CSMD3: variants seen among roughly 807,000 people sequenced by gnomAD.
CSMD3 encodes the protein CUB and sushi domain-containing protein 3.
CSMD3 carries 177 observed loss-of-function variants against 435.2 expected under a neutral mutation model. The observed-to-expected ratio is 0.41, with a 90% CI of 0.36 to 0.46. The LOEUF (loss-of-function observed/expected upper bound fraction) is 0.46. Among genes scored for constraint, CSMD3 ranks in the 20% least tolerant of loss-of-function variants. CSMD3 has a pLI of 0.34. For missense variants in CSMD3, 4,265 were observed against 4,504.6 expected, an observed-to-expected ratio of 0.95 and a Z score of 1.52; for synonymous variants, 1,656 against 1,520.5, an observed-to-expected ratio of 1.09 and a Z score of -2.07.
In CSMD3 at chr8:112,409,034, T is replaced by G; in HGVS notation, c.5396-2A>C. ...AAAATACAAACTGGCCAAACACCAC[T>G]GATCAACAGGAACCCGGAGAAGCAA... On this transcript the variant is annotated splice_acceptor_variant, in intron 32 of 70. Coordinates refer to ENST00000297405, the MANE Select transcript of CSMD3 (RefSeq NM_198123.2). LOFTEE classifies it high-confidence loss of function. 1 of 1,613,174 alleles carries G rather than the reference T, an allele frequency of 6.2e-7. No individual in the cohort carries two copies. The highest frequency in any genetic ancestry group is 8.5e-7 in the Non-Finnish European group (1 of 1,179,574).
At chr8:112,433,213 C>A (rs1813906240) in intron 32 of CSMD3, among the ~76,000 whole-genome samples, 1 of 150,826 alleles carries the variant, frequency 6.6e-6, no homozygotes, top group Non-Finnish European at 1.5e-5. Context: ...GACAGAATAA[C>A]TTAGCATTGC....
At chr8:112,554,771 C>T (rs1028453430) in intron 25 of CSMD3, among the ~76,000 whole-genome samples, 3 of 151,828 alleles carry the variant, frequency 2.0e-5, no homozygotes, top group Admixed American at 6.6e-5. Context: ...CAGGTTAAAT[C>T]CTTCCAGCTA....
chr8:113,145,781 T>C (rs1027289635), intron 4 of CSMD3, among the ~76,000 whole-genome samples: 1 of 151,674 alleles, frequency 6.6e-6, no homozygotes, highest in Non-Finnish European at 1.5e-5. Flanking sequence ...TTAATAAAGA[T>C]GTCTTTATGG....
At chr8:113,190,626 G>T (rs1445424741) in intron 3 of CSMD3, among the ~76,000 whole-genome samples, 1 of 151,366 alleles carries the variant, frequency 6.6e-6, no homozygotes, top group Non-Finnish European at 1.5e-5. Context: ...ATATGTCTAT[G>T]ACGATGTTTT....
At chr8:112,446,032 C>T (rs1002124680) in intron 32 of CSMD3, among the ~76,000 whole-genome samples, 1 of 152,102 alleles carries the variant, frequency 6.6e-6, no homozygotes, top group Non-Finnish European at 1.5e-5. Context: ...GAATATTTTA[C>T]AAAACTTAGA....
intron 32 of CSMD3, among the ~76,000 whole-genome samples, chr8:112,427,758 A>G (rs1235410560): frequency 6.6e-6 from 1 of 152,144 alleles, no homozygotes; most frequent in Admixed American, 6.6e-5. Context: ...TCATACATAG[A>G]AGCATTCAGG....
chr8:113,201,047 A>G (rs2092711410), intron 3 of CSMD3, among the ~76,000 whole-genome samples: 1 of 151,918 alleles, frequency 6.6e-6, no homozygotes, highest in South Asian at 2.1e-4. Context: ...TCTCTCTCAG[A>G]ACCCTTTGTA....
At chr8:112,410,177 T>C (rs1470971705) in intron 32 of CSMD3, among the ~76,000 whole-genome samples, 1 of 151,864 alleles carries the variant, frequency 6.6e-6, no homozygotes, top group East Asian at 1.9e-4. Context: ...CAAAGCTATA[T>C]GTAGTTTTTA....
At position 112,938,989 on chromosome 8, in the gene CSMD3, C is replaced by G. The variant is rs191934097; in HGVS notation, c.1508+8801G>C. Among the ~76,000 whole-genome samples, 4 of 152,072 alleles carry G rather than the reference C, an allele frequency of 2.6e-5. No individual in the cohort carries two copies. In the South Asian group the frequency reaches 8.3e-4, roughly 32 times the overall value. On this transcript the variant is annotated intron_variant, in intron 9 of 70. Coordinates refer to ENST00000297405, the MANE Select transcript of CSMD3 (RefSeq NM_198123.2). ...TTTAAAAAATAATGGTGTGAAAGTG[C>G]TTTTGAGTTAAAATATGATATATGT...
intron 66 of CSMD3, 22 bp from the exon 67 acceptor site, chr8:112,237,370 C>T (rs779307099): frequency 1.3e-6 from 2 of 1,538,680 alleles, no homozygotes; most frequent in South Asian, 1.1e-5. Context: ...TTAAATATAC[C>T]ACACATTAAT....
chr8:113,160,405 C>T (rs2092016944), intron 4 of CSMD3, among the ~76,000 whole-genome samples: 1 of 151,878 alleles, frequency 6.6e-6, no homozygotes. Flanking sequence ...TTCAAAACGT[C>T]TAACGTATTC....
chr8:112,674,580 A>G (rs767461526), intron 16 of CSMD3, among the ~76,000 whole-genome samples: 2 of 152,086 alleles, frequency 1.3e-5, no homozygotes, highest in Non-Finnish European at 2.9e-5. Context: ...AAGCCTGAGT[A>G]ATTTCTTTGG....
At position 112,234,356 on chromosome 8, in the gene CSMD3, T is replaced by C. The variant is rs900431108; in HGVS notation, c.10740+9A>G. The C allele has an allele frequency of 3.9e-6, 6 of 1,536,042 alleles. No individual in the cohort carries two copies. Among genetic ancestry groups the C allele is most frequent in the Non-Finnish European group, 3.6e-6 (4 of 1,109,678 alleles). ...AATCAGCAGCAGATGTTAAAATAAC[T>C]ATACTTACAAAGCCATCCATTGCCC... On this transcript the variant is annotated intron_variant, in intron 68 of 70. Coordinates refer to ENST00000297405, the MANE Select transcript of CSMD3 (RefSeq NM_198123.2).
At chr8:113,014,890 C>A (rs968625872) in intron 6 of CSMD3, among the ~76,000 whole-genome samples, 2 of 152,064 alleles carry the variant, frequency 1.3e-5, no homozygotes, top group African/African-American at 4.8e-5. Context: ...AGTCTTAATA[C>A]CTTTTAATTT....
At chr8:112,730,077 T>C (rs2077043923) in intron 13 of CSMD3, among the ~76,000 whole-genome samples, 1 of 152,114 alleles carries the variant, frequency 6.6e-6, no homozygotes, top group African/African-American at 2.4e-5. Context: ...TCAATTGTGG[T>C]TGGAATATTT....
chr8:112,978,065 C>T (rs1311545317), intron 6 of CSMD3, among the ~76,000 whole-genome samples: 2 of 151,842 alleles, frequency 1.3e-5, no homozygotes, highest in Non-Finnish European at 2.9e-5. Flanking sequence ...TTAATTGAGC[C>T]TTTTTATTTT....
At chr8:113,267,572 T>G (rs118138964) in intron 3 of CSMD3, among the ~76,000 whole-genome samples, 1 of 151,404 alleles carries the variant, frequency 6.6e-6, no homozygotes, top group African/African-American at 2.4e-5. Context: ...GGTGGGAAGA[T>G]AGAAAACAGA....
intron 22 of CSMD3, among the ~76,000 whole-genome samples, chr8:112,615,005 GA>G (rs36049852): frequency 2.0e-5 from 3 of 150,608 alleles, no homozygotes; most frequent in South Asian, 2.1e-4. Flanking sequence ...GACATAACAA[GA>G]AAAAAAAACT....
At chr8:113,147,311 C>T (rs1006928997) in intron 4 of CSMD3, among the ~76,000 whole-genome samples, 1 of 151,606 alleles carries the variant, frequency 6.6e-6, no homozygotes, top group African/African-American at 2.4e-5. Flanking sequence ...CCCTCAAAAA[C>T]TATATATTGC....
Sources: allele counts gnomAD v4.1 joint callset (sites outside exome capture counted in the v4.1 genomes callset), GRCh38; gene constraint gnomAD v4.1.1; transcripts MANE v1.5; gene names NCBI Gene and HGNC (gene_info 2026-07-23, HGNC 2026-07-21).